DDX19A: variants seen among roughly 807,000 people sequenced by gnomAD.
DDX19A encodes the protein DEAD-box helicase 19A.
Under a neutral mutation model 60.6 loss-of-function variants are expected in DDX19A, and 12 were observed. The observed-to-expected ratio is 0.20, with a 90% CI of 0.13 to 0.32. The LOEUF (loss-of-function observed/expected upper bound fraction) is 0.32, where lower values mean the gene tolerates loss of function less well. Among genes scored for constraint, DDX19A ranks in the 10% least tolerant of loss-of-function variants. The pLI, the probability that DDX19A is intolerant of heterozygous loss-of-function variation, is 1.00. For synonymous variants in DDX19A, 206 were observed against 218.2 expected (o/e 0.94, Z 0.49); for missense variants, 337 against 600.6 (o/e 0.56, Z 4.59).
chr16:70,353,113 G>A (rs1964075611), intron 2 of DDX19A, among the ~76,000 whole-genome samples: 1 of 149,624 alleles, frequency 6.7e-6, no homozygotes. Flanking sequence ...ATGCATTTGC[G>A]ATTTTTTCTT....
Position 70,373,087 on chromosome 16 carries a change from A to G in DDX19A, c.*1101A>G, listed in dbSNP as rs1360897835. 2.6e-5 allele frequency: 4 copies of G among 151,772 alleles called. No individual in the cohort carries two copies. Among genetic ancestry groups the G allele is most frequent in the Non-Finnish European group, 4.4e-5 (3 of 67,968 alleles). 9.4% of individuals were successfully genotyped at this position (151,772 alleles called of 1,614,324 possible). On this transcript the variant is annotated 3_prime_UTR_variant, in exon 12 of 12. Transcript: ENST00000302243. The stretch of plus-strand genomic sequence containing the variant: ...GTCTCTACCAAAAATAGAAAAAAAT[A>G]TAGCCGGGCCTGGTGGCGCACGCCT...
intron 2 of DDX19A, among the ~76,000 whole-genome samples, chr16:70,354,678 C>A (rs1414085901): frequency 7.4e-6 from 1 of 135,412 alleles, no homozygotes; most frequent in African/African-American, 2.4e-5. Context: ...TATAGTAGTT[C>A]ATGCCAGTAA....
chr16:70,349,641 A>G (rs1357751654), intron 1 of DDX19A, among the ~76,000 whole-genome samples: 2 of 152,200 alleles, frequency 1.3e-5, no homozygotes, highest in Admixed American at 6.5e-5. Flanking sequence ...TAAAACTGGC[A>G]GTTTCCACAA....
chr16:70,364,795 G>T (rs1964468037), intron 6 of DDX19A, 150 bp downstream of exon 6: 4 of 684,456 alleles, frequency 5.8e-6, no homozygotes, highest in Admixed American at 2.6e-5. Flanking sequence ...TGACCTGGGA[G>T]AATGTGCTTG....
intron 4 of DDX19A, among the ~76,000 whole-genome samples, chr16:70,358,311 A>G (rs1284604764): frequency 6.6e-6 from 1 of 152,136 alleles, no homozygotes; most frequent in Non-Finnish European, 1.5e-5. Flanking sequence ...GATTACAGGC[A>G]TGAGCCACTG....
chr16:70,370,046 C>T (rs1964636038), intron 9 of DDX19A, among the ~76,000 whole-genome samples, 177 bp from the exon 10 acceptor site: 1 of 152,138 alleles, frequency 6.6e-6, no homozygotes, highest in Non-Finnish European at 1.5e-5. Flanking sequence ...TCAAAAATAT[C>T]TTCAGCTGAG....
chr16:70,349,669 A>G (rs1485898802), intron 1 of DDX19A, among the ~76,000 whole-genome samples: 6 of 152,244 alleles, frequency 3.9e-5, no homozygotes, highest in East Asian at 1.9e-4. Context: ...ACAAAGCATT[A>G]TCAAGGGCAT....
chr16:70,371,293 G>A (rs908518518), intron 10 of DDX19A, 79 bp from the exon 11 acceptor site: 13 of 1,613,104 alleles, frequency 8.1e-6, no homozygotes, highest in African/African-American at 4.0e-5. Context: ...AAGTTGGTAC[G>A]CATTGACCTA....
Position 70,366,366 on chromosome 16 carries a change from G to A in DDX19A, c.782+104G>A, listed in dbSNP as rs534563809. ...GGCTTCTGCCTGGGTCTTGGCTCTC[G>A]TACTCTCAGCAGCATTTGTTTGACG... On this transcript the variant is annotated intron_variant, in intron 8 of 11. Coordinates refer to ENST00000302243, the MANE Select transcript of DDX19A (RefSeq NM_018332.5). 2.0e-5 allele frequency: 30 copies of A among 1,509,362 alleles called. 1 individual carries two copies. The highest frequency in any genetic ancestry group is 5.5e-5 in the Admixed American group (3 of 54,468). The allele number at this position is 1,509,362 out of a possible 1,614,324, so 93.5% of individuals were successfully genotyped here.
chr16:70,357,308 T>A (rs1964230602), intron 4 of DDX19A, among the ~76,000 whole-genome samples: 1 of 146,496 alleles, frequency 6.8e-6, no homozygotes, highest in African/African-American at 2.5e-5. Context: ...GACTATAGGG[T>A]TTACAGTCTT....
chr16:70,361,362 C>A, intron 4 of DDX19A, 56 bp from the exon 5 acceptor site: 1 of 1,232,790 alleles, frequency 8.1e-7, no homozygotes. Flanking sequence ...AGATTCTAGG[C>A]CTCTAAAACA....
At chr16:70,352,330 G>A (rs1964041482) in intron 2 of DDX19A, among the ~76,000 whole-genome samples, 1 of 149,724 alleles carries the variant, frequency 6.7e-6, no homozygotes, top group South Asian at 2.1e-4. Context: ...TGTCACCCAG[G>A]CTGGAGTGCA....
chr16:70,370,089 TG>T, intron 9 of DDX19A, 133 bp from the exon 10 acceptor site: 1 of 1,284,388 alleles, frequency 7.8e-7, no homozygotes, highest in Non-Finnish European at 1.0e-6. Context: ...CCCAGCCCTT[TG>T]GGAAGCCAAG....
At chr16:70,364,438 A>C in intron 5 of DDX19A, 105 bp from the exon 6 acceptor site, 7 of 837,554 alleles carry the variant, frequency 8.4e-6, no homozygotes, top group Non-Finnish European at 1.4e-5. Flanking sequence ...TGGGTAATAT[A>C]GAGAAGCACG....
chr16:70,355,429 T>G, intron 2 of DDX19A, 56 bp from the exon 3 acceptor site: 1 of 1,199,186 alleles, frequency 8.3e-7, no homozygotes, highest in Non-Finnish European at 1.2e-6. Flanking sequence ...TTGTCCCACA[T>G]TTTTGGTGGT....
At chr16:70,349,541 T>A (rs1403273834) in intron 1 of DDX19A, among the ~76,000 whole-genome samples, 3 of 152,168 alleles carry the variant, frequency 2.0e-5, no homozygotes, top group Non-Finnish European at 4.4e-5. Context: ...AGGAGAGCGG[T>A]CAGGCCTGCT....
chr16:70,357,213 C>T (rs551886842), intron 4 of DDX19A, among the ~76,000 whole-genome samples: 20 of 146,670 alleles, frequency 1.4e-4, no homozygotes, highest in Non-Finnish European at 2.1e-4. Context: ...AAGCCAAGTT[C>T]GTGCCACTGC....
intron 9 of DDX19A, among the ~76,000 whole-genome samples, chr16:70,369,934 TACAAGCCAGG>T (rs1204204158): frequency 1.3e-5 from 2 of 152,158 alleles, no homozygotes. Context: ...TTCGTAAGAT[TACAAGCCAGG>T]TGACATTGTT....
chr16:70,370,211 T>C lies in DDX19A; in HGVS notation c.1021-12T>C. On this transcript the variant is annotated splice_polypyrimidine_tract_variant and intron_variant, in intron 9 of 11. Transcript: ENST00000302243. ...AAATACTTTCATTTCTCAATTGTTT[T>C]TTTTCTTCCAGACTCGCAAAACAGC... 6.2e-7 allele frequency: 1 copy of C among 1,604,190 alleles called. No individual in the cohort carries two copies. The highest frequency in any genetic ancestry group is 8.5e-7 in the Non-Finnish European group (1 of 1,177,528).
Sources: allele counts gnomAD v4.1 joint callset (sites outside exome capture counted in the v4.1 genomes callset), GRCh38; gene constraint gnomAD v4.1.1; transcripts MANE v1.5; gene names NCBI Gene and HGNC (gene_info 2026-07-23, HGNC 2026-07-21).